Variants in PUS10 observed in about 807,000 individuals in gnomAD.
The protein encoded by PUS10 is pseudouridine synthase 10, also known as tRNA pseudouridine synthase Pus10.
Under a neutral mutation model 75.0 loss-of-function variants are expected in PUS10, and 59 were observed. That is an observed-to-expected ratio of 0.79 (90% confidence interval 0.64 to 0.98). The LOEUF is 0.98. Ranked by LOEUF, PUS10 falls within the 50% of genes least tolerant of loss-of-function variation. The pLI is 0.00. For missense variants in PUS10, 650 were observed against 614.4 expected (o/e 1.06, Z -0.61); for synonymous variants, 219 against 211.6 (o/e 1.03, Z -0.30).
chr2:60,970,834 T>C (rs1453365118), intron 5 of PUS10, among the ~76,000 whole-genome samples: 1 of 152,238 alleles, frequency 6.6e-6, no homozygotes, highest in East Asian at 1.9e-4. Context: ...AGTTATTTAC[T>C]TTTTATCTTT....
At chr2:60,963,168 G>C (rs971407082) in intron 8 of PUS10, among the ~76,000 whole-genome samples, 2 of 152,174 alleles carry the variant, frequency 1.3e-5, no homozygotes, top group Non-Finnish European at 2.9e-5. Flanking sequence ...TCACCACACT[G>C]TCCCACTTCT....
chr2:60,948,387 G>A (rs965998487), intron 15 of PUS10, among the ~76,000 whole-genome samples: 3 of 152,066 alleles, frequency 2.0e-5, no homozygotes, highest in East Asian at 1.9e-4. Context: ...CGCCATGCCC[G>A]GCTGATTTTT....
chr2:60,964,289 C>G (rs1676204766), intron 8 of PUS10, among the ~76,000 whole-genome samples: 1 of 152,204 alleles, frequency 6.6e-6, no homozygotes, highest in African/African-American at 2.4e-5. Context: ...AGCAATTAGT[C>G]AAAGCAAGAG....
intron 1 of PUS10, chr2:61,017,152 C>G (rs1315689370): frequency 6.6e-6 from 1 of 152,610 alleles, no homozygotes; most frequent in Non-Finnish European, 1.5e-5. Flanking sequence ...TACCTACCCG[C>G]CTCACCTTCT....
At chr2:61,016,028 TGAA>T (rs1276109015) in intron 1 of PUS10, among the ~76,000 whole-genome samples, 1 of 152,234 alleles carries the variant, frequency 6.6e-6, no homozygotes, top group East Asian at 1.9e-4. Flanking sequence ...GGACACTTAA[TGAA>T]GATTTCCCTC....
intron 4 of PUS10, among the ~76,000 whole-genome samples, chr2:60,992,608 T>A (rs1678183595): frequency 6.6e-6 from 1 of 152,246 alleles, no homozygotes; most frequent in Non-Finnish European, 1.5e-5. Flanking sequence ...AACTAAATTC[T>A]AAATAGAAAT....
At position 60,948,073 on chromosome 2, in the gene PUS10, A is replaced by T. The variant is rs780316513; in HGVS notation, c.1421T>A (p.Phe474Tyr). ...METQYVDEHH[F>Y]RLHLKTQAGT... Reference sequence around the variant, plus strand: ...AGCCTGAGTTTTCAAGTGGAGGCGGAAGTGGTGCTCATCCACGTACTGTGT... The same window carrying T: ...AGCCTGAGTTTTCAAGTGGAGGCGGTAGTGGTGCTCATCCACGTACTGTGT... The change falls in exon 16 of 18, where the codon TTC becomes TAC. Residue 474 changes from phenylalanine to tyrosine, a missense_variant. Physicochemically the swap from Phe to Tyr is conservative, Grantham distance 22 (BLOSUM62 3). Transcript: ENST00000316752. The T allele has an allele frequency of 1.2e-6, 2 of 1,613,990 alleles. No homozygotes were observed. The highest frequency in any genetic ancestry group is 2.7e-5 in the African/African-American group (2 of 74,884).
chr2:60,973,044 G>T (rs1676786917), intron 4 of PUS10, among the ~76,000 whole-genome samples: 1 of 152,202 alleles, frequency 6.6e-6, no homozygotes, highest in Admixed American at 6.5e-5. Flanking sequence ...GGACCCCTGT[G>T]CTCCACATCC....
intron 4 of PUS10, among the ~76,000 whole-genome samples, chr2:61,003,518 T>C (rs950709744): frequency 6.6e-6 from 1 of 150,636 alleles, no homozygotes; most frequent in African/African-American, 2.4e-5. Context: ...ACCAATAATA[T>C]AGATGCGTTA....
chr2:60,966,122 T>C (rs996374122), intron 6 of PUS10: 1 of 152,152 alleles, frequency 6.6e-6, no homozygotes, highest in Non-Finnish European at 1.5e-5. Flanking sequence ...TTTTAAGACA[T>C]GCTTTTGGAA....
chr2:60,940,852 T>C lies in PUS10; in HGVS notation c.*1543A>G, dbSNP rs1339242353. On this transcript the variant is annotated 3_prime_UTR_variant, in exon 18 of 18. Transcript: ENST00000316752. ...CTCATTTTCTGGGCCTTTCAATGCATTGGCATTGACAAGAGTGAAAAAATT... is the reference window on the plus strand; with the variant it reads ...CTCATTTTCTGGGCCTTTCAATGCACTGGCATTGACAAGAGTGAAAAAATT... The C allele has an allele frequency of 2.0e-5, 3 of 152,330 alleles. No homozygotes were observed. Among genetic ancestry groups the C allele is most frequent in the African/African-American group, 7.2e-5 (3 of 41,468 alleles). The allele number at this position is 152,330 out of a possible 1,614,324, so 9.4% of individuals were successfully genotyped here.
Position 60,973,827 on chromosome 2 carries a change from T to C in PUS10, c.469-2270A>G, listed in dbSNP as rs146245483. Among the ~76,000 whole-genome samples, 1,470 of 152,288 alleles carry C rather than the reference T, an allele frequency of 9.7e-3. 14 individuals carry two copies. Among genetic ancestry groups the C allele is most frequent in the Middle Eastern group, 0.037 (11 of 294 alleles). On this transcript the variant is annotated intron_variant, in intron 4 of 17. Coordinates refer to ENST00000316752, the MANE Select transcript of PUS10 (RefSeq NM_144709.4). ...CCACCCATGGCTGCCCATGGACCAA[T>C]TGGCACACACTTCCTCCCCTCTGAG...
intron 4 of PUS10, among the ~76,000 whole-genome samples, chr2:61,004,498 G>A (rs1434421517): frequency 2.0e-5 from 3 of 151,784 alleles, no homozygotes; most frequent in South Asian, 2.1e-4. Context: ...GCATGGTGGC[G>A]GGCACCTGTA....
At chr2:61,017,546 C>T (rs1680083325) in intron 1 of PUS10, 3 of 537,588 alleles carry the variant, frequency 5.6e-6, no homozygotes, top group Admixed American at 3.3e-5. Flanking sequence ...CTTTCTGGGG[C>T]AAATACAAAG....
chr2:60,984,885 C>G (rs901279250), intron 4 of PUS10, among the ~76,000 whole-genome samples: 5 of 152,008 alleles, frequency 3.3e-5, no homozygotes, highest in Non-Finnish European at 5.9e-5. Context: ...ATGTATATAG[C>G]AAAAGGTCTC....
intron 8 of PUS10, among the ~76,000 whole-genome samples, chr2:60,963,143 C>A (rs991511572): frequency 6.6e-6 from 1 of 152,208 alleles, no homozygotes; most frequent in Non-Finnish European, 1.5e-5. Flanking sequence ...GCAGATCTAG[C>A]AGAACAGGTC....
chr2:60,961,468 AC>A lies in PUS10; in HGVS notation c.868del (p.Val290TrpfsTer18). The A allele has an allele frequency of 1.2e-6, 2 of 1,613,610 alleles. No homozygotes were observed. Among genetic ancestry groups the A allele is most frequent in the Non-Finnish European group, 1.7e-6 (2 of 1,179,506 alleles). ...TTCTAGACTAAATATTTTACCAGCC[AC>A]AAAAACAGCACCATGAGCACATTCA... ...EIECAHGAVF[V>X]AGRYNKYSRN... On this transcript the variant is annotated frameshift_variant, in exon 10 of 18. Transcript: ENST00000316752. LOFTEE classifies it high-confidence loss of function.
chr2:60,962,871 G>T lies in PUS10; in HGVS notation c.743C>A (p.Ala248Glu), dbSNP rs747877945. The T allele has an allele frequency of 3.8e-6, 6 of 1,568,566 alleles. No individual in the cohort carries two copies. The highest frequency in any genetic ancestry group is 5.2e-6 in the Non-Finnish European group (6 of 1,163,824). Residue 248 changes from alanine (A) to glutamate (E), a missense_variant, in exon 9 of 18, where the codon GCA becomes GAA. Coordinates refer to ENST00000316752, the MANE Select transcript of PUS10 (RefSeq NM_144709.4). ...KNKQSVFTRM[A>E]VMKALNKIKE... ...TATCTTATTCAAGGCTTTCATAACT[G>T]CCATTCTAGTGAATACAGACTATAT...
intron 4 of PUS10, among the ~76,000 whole-genome samples, chr2:60,997,565 G>A (rs1161071194): frequency 7.3e-6 from 1 of 137,456 alleles, no homozygotes; most frequent in East Asian, 2.1e-4. Flanking sequence ...AGCTGAGATC[G>A]CATCACTGCA....
Sources: allele counts gnomAD v4.1 joint callset (sites outside exome capture counted in the v4.1 genomes callset), GRCh38; gene constraint gnomAD v4.1.1; transcripts MANE v1.5; gene names NCBI Gene and HGNC (gene_info 2026-07-23, HGNC 2026-07-21).